Variants in DYDC1 observed in about 807,000 individuals in gnomAD.
DYDC1 encodes the protein DPY30 domain-containing protein 1.
DYDC1 carries 21 observed loss-of-function variants against 27.9 expected under a neutral mutation model. That is an observed-to-expected ratio of 0.75 (90% confidence interval 0.53 to 1.08). The LOEUF (loss-of-function observed/expected upper bound fraction) is 1.08, where lower values mean the gene tolerates loss of function less well. DYDC1 is among the 50% of genes least tolerant of loss of function. The pLI, the probability that DYDC1 is intolerant of heterozygous loss-of-function variation, is 0.00. For missense variants in DYDC1, 202 were observed against 205.9 expected (o/e 0.98, Z 0.12); for synonymous variants, 67 against 65.8 (o/e 1.02, Z -0.09).
rs142759387 is a variant in DYDC1, at chr10:80,351,975, G to T, written c.175C>A (p.Arg59Ser). 2 of 1,613,834 alleles carry T rather than the reference G, an allele frequency of 1.2e-6. No individual in the cohort carries two copies. The highest frequency in any genetic ancestry group is 1.7e-6 in the Non-Finnish European group (2 of 1,180,004). ...TCCATCAGAGCTAATTCTCTTTCAC[G>T]CTCCAGCTTGGCCATTTCCTTTTGT... ...LRQKEMAKLERERELALMEQE... is the reference protein window; with the variant it reads ...LRQKEMAKLESERELALMEQE... The change falls in exon 3 of 7, where the codon CGT becomes AGT. Residue 59 changes from arginine to serine, a missense_variant. Transcript: ENST00000372202.
chr10:80,340,567 T>G (rs1233108903), intron 4 of DYDC1, among the ~76,000 whole-genome samples: 1 of 152,234 alleles, frequency 6.6e-6, no homozygotes, highest in African/African-American at 2.4e-5. Flanking sequence ...TTGAAGCACT[T>G]TAATGTAGCT....
At chr10:80,352,187 T>C (rs753647822) in intron 2 of DYDC1, among the ~76,000 whole-genome samples, 185 bp from the exon 3 acceptor site, 1 of 152,208 alleles carries the variant, frequency 6.6e-6, no homozygotes, top group Non-Finnish European at 1.5e-5. Context: ...AATATTAAAG[T>C]TATACATTGT....
intron 3 of DYDC1, among the ~76,000 whole-genome samples, chr10:80,347,115 G>C (rs1372538550): frequency 6.6e-6 from 1 of 151,734 alleles, no homozygotes; most frequent in Non-Finnish European, 1.5e-5. Context: ...ATCCTAATAG[G>C]GGCGAGGTGG....
Position 80,351,981 on chromosome 10 carries a change from G to C in DYDC1, c.169C>G (p.Leu57Val). The C allele has an allele frequency of 6.2e-7, 1 of 1,614,062 alleles. No homozygotes were observed. Among genetic ancestry groups the C allele is most frequent in the Non-Finnish European group, 8.5e-7 (1 of 1,180,018 alleles). ...AGAGCTAATTCTCTTTCACGCTCCAGCTTGGCCATTTCCTTTTGTCTCTAG... is the reference window on the plus strand; with the variant it reads ...AGAGCTAATTCTCTTTCACGCTCCACCTTGGCCATTTCCTTTTGTCTCTAG... ...EQLRQKEMAK[L>V]ERERELALME... Residue 57 changes from leucine (L) to valine (V), a missense_variant, in exon 3 of 7, where the codon CTG becomes GTG. Leu to Val is a conservative substitution (Grantham distance 32). Coordinates refer to ENST00000372202, the MANE Select transcript of DYDC1 (RefSeq NM_001269053.2).
At chr10:80,346,891 A>G (rs538548832) in intron 3 of DYDC1, among the ~76,000 whole-genome samples, 2 of 151,580 alleles carry the variant, frequency 1.3e-5, no homozygotes, top group Admixed American at 1.3e-4. Context: ...CCTGGCCAAC[A>G]TGGCGAAACC....
In DYDC1 at chr10:80,338,481, G is replaced by C; in HGVS notation, c.490C>G (p.Pro164Ala). The stretch of plus-strand genomic sequence containing the variant: ...CTGATACTGACATCAGAAAACATTG[G>C]TTCATCAAGTTCTTCCACTCTGCTC... ...NLSRVEELDE[P>A]MFSDIALNID... is the part of the protein sequence containing the mutation. Residue 164 changes from proline (P) to alanine (A), a missense_variant, in exon 6 of 7, where the codon CCA becomes GCA. Transcript: ENST00000372202. The C allele has an allele frequency of 1.2e-6, 2 of 1,612,916 alleles. No homozygotes were observed. The highest frequency in any genetic ancestry group is 1.7e-6 in the Non-Finnish European group (2 of 1,179,534).
At chr10:80,339,018 C>T (rs1479127277) in intron 5 of DYDC1, 79 bp downstream of exon 5, 6 of 746,264 alleles carry the variant, frequency 8.0e-6, no homozygotes, top group African/African-American at 3.7e-5. Context: ...AATTTAGCTA[C>T]TTATGCATCA....
intron 3 of DYDC1, among the ~76,000 whole-genome samples, chr10:80,351,029 A>C (rs188968618): frequency 3.5e-4 from 54 of 152,200 alleles, no homozygotes; most frequent in Non-Finnish European, 6.3e-4. Flanking sequence ...CACGATTATC[A>C]GTACTTGATC....
In DYDC1 at chr10:80,338,407, T is replaced by TA. The variant is rs559690266; in HGVS notation, c.504+59dup. On this transcript the variant is annotated intron_variant, in intron 6 of 6. Transcript: ENST00000372202. ...TCATTTTCCCTAGGCTTTACCTAAGTAAAAAAAATCAAAAACAAAAACAAA... is the reference window on the plus strand; with the variant it reads ...TCATTTTCCCTAGGCTTTACCTAAGTAAAAAAAAATCAAAAACAAAAACAAA... The TA allele has an allele frequency of 3.1e-4, 499 of 1,594,160 alleles. 2 individuals carry two copies. In the African/African-American group the frequency reaches 5.5e-3, roughly 17 times the overall value.
At chr10:80,351,815 G>C (rs1474138143) in intron 3 of DYDC1, 86 bp downstream of exon 3, 8 of 1,173,828 alleles carry the variant, frequency 6.8e-6, no homozygotes, top group Admixed American at 4.3e-5. Context: ...AACTGGAGCT[G>C]GGAAGTTTAT....
At chr10:80,347,088 A>G (rs1278960323) in intron 3 of DYDC1, among the ~76,000 whole-genome samples, 2 of 120,460 alleles carry the variant, frequency 1.7e-5, no homozygotes, top group Non-Finnish European at 1.7e-5. Flanking sequence ...TCCGAAAAAG[A>G]AAAAAAAAAA....
intron 4 of DYDC1, among the ~76,000 whole-genome samples, chr10:80,339,789 T>C (rs1462536984): frequency 6.6e-6 from 1 of 152,180 alleles, no homozygotes; most frequent in Non-Finnish European, 1.5e-5. Context: ...AGAAGACCAG[T>C]GATTTCTTGA....
chr10:80,347,364 A>C (rs1300381451), intron 3 of DYDC1, among the ~76,000 whole-genome samples: 1 of 135,014 alleles, frequency 7.4e-6, no homozygotes, highest in Non-Finnish European at 1.5e-5. Context: ...AGACCTTATC[A>C]GATATATGGT....
intron 3 of DYDC1, among the ~76,000 whole-genome samples, chr10:80,350,950 C>T (rs919633216): frequency 6.6e-6 from 1 of 152,198 alleles, no homozygotes; most frequent in African/African-American, 2.4e-5. Flanking sequence ...TCTGCCTGCT[C>T]CACTTCTTCA....
rs147956115 is a variant in DYDC1, at chr10:80,340,128, G to A, written c.343-975C>T. ...TGCAGCAAAGCAGCCCATAGTGAAA[G>A]AGCGAAACTAATAACCAGGGAGCAG... On this transcript the variant is annotated intron_variant, in intron 4 of 6. Transcript: ENST00000372202. Among the ~76,000 whole-genome samples, 618 of 152,302 alleles carry A rather than the reference G, an allele frequency of 4.1e-3. 3 individuals are homozygous for A. The highest frequency in any genetic ancestry group is 6.3e-3 in the Non-Finnish European group (427 of 68,020).
At chr10:80,347,049 C>T (rs1564663243) in intron 3 of DYDC1, among the ~76,000 whole-genome samples, 1 of 151,682 alleles carries the variant, frequency 6.6e-6, no homozygotes, top group African/African-American at 2.4e-5. Context: ...CACTTCACTC[C>T]AGCCTGGGTG....
At chr10:80,342,980 CAAAAAAA>C (rs55665661) in intron 3 of DYDC1, among the ~76,000 whole-genome samples, 1 of 93,904 alleles carries the variant, frequency 1.1e-5, no homozygotes, top group South Asian at 4.0e-4. Context: ...GACTCCCTCT[CAAAAAAA>C]AAAAAAAAAA....
chr10:80,340,738 G>A (rs554962906), intron 4 of DYDC1, among the ~76,000 whole-genome samples: 3 of 151,736 alleles, frequency 2.0e-5, no homozygotes, highest in South Asian at 2.1e-4. Context: ...ACATATTTAC[G>A]ATGTACATGT....
At chr10:80,337,331 T>A in intron 6 of DYDC1, 1 of 985,488 alleles carries the variant, frequency 1.0e-6, no homozygotes, top group Non-Finnish European at 1.2e-6. Flanking sequence ...TGCCAAATCA[T>A]AGCTGACCTT....
Sources: allele counts gnomAD v4.1 joint callset (sites outside exome capture counted in the v4.1 genomes callset), GRCh38; gene constraint gnomAD v4.1.1; transcripts MANE v1.5; gene names NCBI Gene and HGNC (gene_info 2026-07-23, HGNC 2026-07-21).